Variants in B4GALNT3 observed in about 807,000 individuals in gnomAD.
The protein encoded by B4GALNT3 is beta-1,4-N-acetyl-galactosaminyltransferase 3.
In B4GALNT3, 86 loss-of-function variants were observed where a neutral mutation model predicts 120.2. That is an observed-to-expected ratio of 0.72 (90% CI 0.60 to 0.86). B4GALNT3 has a LOEUF of 0.86. Among genes scored for constraint, B4GALNT3 ranks in the 40% least tolerant of loss-of-function variants. The pLI, the probability that B4GALNT3 is intolerant of heterozygous loss-of-function variation, is 0.00. For missense variants in B4GALNT3, 1,167 were observed against 1,298.9 expected (o/e 0.90, Z 1.56); for synonymous variants, 518 against 510.4 (o/e 1.01, Z -0.20).
intron 1 of B4GALNT3, among the ~76,000 whole-genome samples, chr12:512,354 CGCCTTCG>C (rs1433775941): frequency 1.4e-5 from 2 of 139,338 alleles, no homozygotes; most frequent in East Asian, 2.3e-4. Context: ...TTCCACCTTC[CGCCTTCG>C]ACCTTCTTCC....
intron 1 of B4GALNT3, among the ~76,000 whole-genome samples, chr12:478,250 TAAA>T (rs34616848): frequency 2.3e-5 from 2 of 86,894 alleles, no homozygotes. Context: ...ACTCTGTCTT[TAAA>T]AAAAAAAAAA....
chr12:524,730 A>C (rs1002664602), intron 1 of B4GALNT3, among the ~76,000 whole-genome samples: 3 of 152,142 alleles, frequency 2.0e-5, no homozygotes, highest in African/African-American at 7.2e-5. Context: ...GCAGATATGC[A>C]CTCTCCTTAC....
intron 1 of B4GALNT3, among the ~76,000 whole-genome samples, chr12:472,733 G>A (rs561954378): frequency 5.9e-5 from 9 of 151,862 alleles, no homozygotes; most frequent in South Asian, 2.1e-4. Context: ...CACCGCGCCC[G>A]ACCTATGCCT....
intron 14 of B4GALNT3, chr12:555,309 C>A (rs777405024): frequency 6.6e-6 from 3 of 455,960 alleles, no homozygotes; most frequent in South Asian, 4.7e-5. Flanking sequence ...TTTTCCTATT[C>A]CGGACATCTT....
chr12:549,422 G>C (rs940826323), intron 9 of B4GALNT3, among the ~76,000 whole-genome samples: 2 of 152,192 alleles, frequency 1.3e-5, no homozygotes, highest in Non-Finnish European at 2.9e-5. Context: ...CTTAGAGCAG[G>C]GCCTGGCTTA....
chr12:547,973 C>A, intron 7 of B4GALNT3, 51 bp from the exon 8 acceptor site: 1 of 1,533,184 alleles, frequency 6.5e-7, no homozygotes, highest in Non-Finnish European at 9.0e-7. Flanking sequence ...GAGCCGCGAC[C>A]CCAGGGCCCA....
At position 460,716 on chromosome 12, in the gene B4GALNT3, A is replaced by G. The variant is rs1358247224; in HGVS notation, c.169+171A>G. Among the ~76,000 whole-genome samples, 1 of 151,726 alleles carries G rather than the reference A, an allele frequency of 6.6e-6. No individual in the cohort carries two copies. Among genetic ancestry groups the G allele is most frequent in the African/African-American group, 2.4e-5 (1 of 41,284 alleles). The stretch of plus-strand genomic sequence containing the variant: ...CTCGGGGAGAGCTGCGGGCGGGGGA[A>G]GCCGCGGGGCCGAGCGCAGAATTCC... On this transcript the variant is annotated intron_variant, in intron 1 of 19. Transcript: ENST00000266383. This position sits in a 1 kb window ranked among gnomAD's most constrained non-coding sequence, Gnocchi z 8.0.
At chr12:544,212 G>A (rs11063501) in intron 3 of B4GALNT3, 127 bp from the exon 4 acceptor site, 59,942 of 780,546 alleles carry the variant, frequency 0.077, 2,407 homozygotes, top group African/African-American at 0.13. Context: ...GGGAGGGCAT[G>A]GGGTGCTCAT....
intron 1 of B4GALNT3, among the ~76,000 whole-genome samples, chr12:480,215 A>G (rs1946225134): frequency 6.6e-6 from 1 of 152,190 alleles, no homozygotes; most frequent in African/African-American, 2.4e-5. Context: ...GCGCCCGGCC[A>G]GGATGGGGAG....
Position 561,603 on chromosome 12 carries a change from TCA to T in B4GALNT3, c.*155_*156del. ...GCCCACTCCACCTGGAGCTGTCCCCTCACAGAGGCAGGTTCCGGGGCTCCTGT... is the reference window on the plus strand; with the variant it reads ...GCCCACTCCACCTGGAGCTGTCCCCTCAGAGGCAGGTTCCGGGGCTCCTGT... On this transcript the variant is annotated 3_prime_UTR_variant, in exon 20 of 20. Coordinates refer to ENST00000266383, the MANE Select transcript of B4GALNT3 (RefSeq NM_173593.4). The T allele has an allele frequency of 1.6e-6, 1 of 620,790 alleles. No homozygotes were observed. The allele number at this position is 620,790 out of a possible 1,614,324, so 38.5% of individuals were successfully genotyped here.
Position 548,368 on chromosome 12 carries a change from G to A in B4GALNT3, c.853+71G>A. On this transcript the variant is annotated intron_variant, in intron 9 of 19. Transcript: ENST00000266383. The surrounding 1 kb of genome is among the most constrained non-coding windows in gnomAD (Gnocchi z 4.9). ...ACAGCCTACCCTGGGGGATTTGGCA[G>A]GGGAGGAGGGGAGGAGGGGAGGAAG... 7.5e-7 allele frequency: 1 copy of A among 1,334,658 alleles called. No individual in the cohort carries two copies. Among genetic ancestry groups the A allele is most frequent in the Non-Finnish European group, 1.1e-6 (1 of 934,010 alleles). The allele number at this position is 1,334,658 out of a possible 1,614,324, so 82.7% of individuals were successfully genotyped here.
intron 1 of B4GALNT3, among the ~76,000 whole-genome samples, chr12:523,171 G>C (rs7970934): frequency 0.11 from 16,002 of 152,066 alleles, 1,430 homozygotes; most frequent in East Asian, 0.4. Flanking sequence ...ATCAATGTCA[G>C]GGCCAGTGTC....
intron 1 of B4GALNT3, among the ~76,000 whole-genome samples, chr12:533,455 A>G (rs1946827389): frequency 6.6e-6 from 1 of 152,244 alleles, no homozygotes; most frequent in Non-Finnish European, 1.5e-5. Context: ...AGTCCCTGCA[A>G]CCATAACACG....
chr12:515,371 C>T lies in B4GALNT3; in HGVS notation c.170-19795C>T, dbSNP rs1043243061. Among the ~76,000 whole-genome samples the T allele has an allele frequency of 5.3e-5, 8 of 151,246 alleles. No individual in the cohort carries two copies. The East Asian group carries it at 7.8e-4, about 15-fold the overall frequency. On this transcript the variant is annotated intron_variant, in intron 1 of 19. Transcript: ENST00000266383. ...ACCACACCCAGCTAATTTTTTTTTTCGTATTTTAGTAGAGACGGGGTTTCA... is the reference window on the plus strand; with the variant it reads ...ACCACACCCAGCTAATTTTTTTTTTTGTATTTTAGTAGAGACGGGGTTTCA...
chr12:545,177 G>A, intron 5 of B4GALNT3, 192 bp from the exon 6 acceptor site: 1 of 1,443,778 alleles, frequency 6.9e-7, no homozygotes, highest in Non-Finnish European at 9.1e-7. Flanking sequence ...CCTGGAACCA[G>A]CTCATCTCTC....
chr12:510,449 G>C (rs2120569497), intron 1 of B4GALNT3, among the ~76,000 whole-genome samples: 1 of 117,612 alleles, frequency 8.5e-6, no homozygotes, highest in Admixed American at 7.7e-5. Context: ...CTCCATGGGG[G>C]GGTTGGACGC....
intron 3 of B4GALNT3, among the ~76,000 whole-genome samples, chr12:538,441 C>T (rs571621460): frequency 1.3e-5 from 2 of 151,690 alleles, no homozygotes; most frequent in East Asian, 3.9e-4. Flanking sequence ...CGCCTGTGGT[C>T]CCAGCTACTT....
chr12:519,591 T>C (rs2120615447), intron 1 of B4GALNT3, among the ~76,000 whole-genome samples: 1 of 126,208 alleles, frequency 7.9e-6, no homozygotes, highest in East Asian at 2.6e-4. Flanking sequence ...TCTCTTTTCC[T>C]TTCTGCTTTT....
At position 553,909 on chromosome 12, in the gene B4GALNT3, C is replaced by G. The variant is rs749123156; in HGVS notation, c.1986C>G (p.Asn662Lys). 4 of 1,614,010 alleles carry G rather than the reference C, an allele frequency of 2.5e-6. No individual in the cohort carries two copies. Among genetic ancestry groups the G allele is most frequent in the African/African-American group, 2.7e-5 (2 of 74,902 alleles). The change falls in exon 14 of 20, where the codon AAC becomes AAG. Residue 662 changes from asparagine (N) to lysine (K), a missense_variant. Asn to Lys is a moderately conservative substitution (Grantham distance 94). This residue lies in a region of B4GALNT3 where 983 missense variants were observed against 1,102.5 expected (regional missense o/e 0.89). Transcript: ENST00000266383. ...WIDLSCNTSG[N>K]LLLPEQEALE... ...ATCTGAGCTGTAACACATCTGGCAA[C>G]CTGCTGCTTCCAGAGCAGGAAGCTC... is the stretch of plus-strand genomic sequence containing the variant.
Sources: gnomAD v4.1 joint callset for allele counts (sites outside exome capture counted in the v4.1 genomes callset) on GRCh38, gnomAD v4.1.1 for gene constraint, gnomAD v4.1.1 regional missense constraint, Gnocchi (gnomAD v3.1) non-coding constraint, MANE v1.5 for transcripts, NCBI Gene and HGNC (gene_info 2026-07-23, HGNC 2026-07-21) for gene names.